FGFBP3: variants seen among roughly 807,000 people sequenced by gnomAD.
FGFBP3 encodes fibroblast growth factor binding protein 3.
Under a neutral mutation model 4.8 loss-of-function variants are expected in FGFBP3, and 4 were observed. That is an observed-to-expected ratio of 0.83 (90% CI 0.41 to 1.90). The LOEUF is 1.90. Ranked by LOEUF, FGFBP3 falls within the 40% of genes most tolerant of loss-of-function variation. FGFBP3 has a pLI of 0.03. For synonymous variants in FGFBP3, 215 were observed against 190.0 expected (o/e 1.13, Z -1.08); for missense variants, 429 against 397.4 (o/e 1.08, Z -0.68).
Position 91,907,874 on chromosome 10 carries a change from C to A in FGFBP3, c.*319G>T, listed in dbSNP as rs1340355293. 6.6e-6 allele frequency: 2 copies of A among 301,894 alleles called. No individual in the cohort carries two copies. Among genetic ancestry groups the A allele is most frequent in the Non-Finnish European group, 6.1e-6 (1 of 165,026 alleles). 18.7% of individuals were successfully genotyped at this position (301,894 alleles called of 1,614,324 possible). On this transcript the variant is annotated 3_prime_UTR_variant, in exon 2 of 2. Transcript: ENST00000311575. ...CACTCTATCTCCCCCTTATTCTCAG[C>A]CTCCCTCTGCATCGATTTCTCTCCC...
chr10:91,908,928 C>T lies in FGFBP3; in HGVS notation c.42G>A (p.Leu14=). 1.2e-6 allele frequency: 2 copies of T among 1,605,600 alleles called. No homozygotes were observed. Among genetic ancestry groups the T allele is most frequent in the Non-Finnish European group, 1.7e-6 (2 of 1,177,362 alleles). Residue 14 remains leucine (L), a synonymous_variant, in exon 2 of 2, where the codon CTG becomes CTA. Transcript: ENST00000311575. ...GGAGGCAACCACTCAGCAGCAGCAG[C>T]AGCGACGGCGACAGCGACGCTCGCA... ...PKLRASLSPS[L]LLLLSGCLLA... is the part of the protein sequence containing the mutation.
chr10:91,907,587 C>G lies in FGFBP3; in HGVS notation c.*606G>C, dbSNP rs1202225219. 6.6e-6 allele frequency: 1 copy of G among 151,776 alleles called. No homozygotes were observed. Among genetic ancestry groups the G allele is most frequent in the Non-Finnish European group, 1.5e-5 (1 of 68,006 alleles). The allele number at this position is 151,776 out of a possible 1,614,324, so 9.4% of individuals were successfully genotyped here. On this transcript the variant is annotated 3_prime_UTR_variant, in exon 2 of 2. Transcript: ENST00000311575. ...CTAAAAGAATGGAAAGGAAATCATT[C>G]TGCAAAACTTTCCTTGGAGCCAGTT...
In FGFBP3 at chr10:91,908,514, G is replaced by A; in HGVS notation, c.456C>T (p.Ser152=). ...CCGCGACGGTGGGGCGTGCGGGCGG[G>A]GACGCGCGGGGCACTAGCCGCAGCT... ...GAELRLVPRA[S]PPARPTVAGF... The change falls in exon 2 of 2, where the codon TCC becomes TCT. Residue 152 remains serine, a synonymous_variant. Coordinates refer to ENST00000311575, the MANE Select transcript of FGFBP3 (RefSeq NM_152429.5). The A allele has an allele frequency of 7.3e-7, 1 of 1,376,588 alleles. No homozygotes were observed. Among genetic ancestry groups the A allele is most frequent in the Non-Finnish European group, 9.3e-7 (1 of 1,072,586 alleles). The allele number at this position is 1,376,588 out of a possible 1,614,324, so 85.3% of individuals were successfully genotyped here.
chr10:91,908,747 C>G lies in FGFBP3; in HGVS notation c.223G>C (p.Glu75Gln), dbSNP rs935892251. 7.0e-5 allele frequency: 97 copies of G among 1,384,650 alleles called. No individual in the cohort carries two copies. The highest frequency in any genetic ancestry group is 8.4e-5 in the Non-Finnish European group (91 of 1,081,032). 85.8% of individuals were successfully genotyped at this position (1,384,650 alleles called of 1,614,324 possible). Residue 75 changes from glutamate (E) to glutamine (Q), a missense_variant, in exon 2 of 2, where the codon GAG (glutamate) becomes CAG (glutamine). Physicochemically the swap from Glu to Gln is conservative, Grantham distance 29 (BLOSUM62 2). Coordinates refer to ENST00000311575, the MANE Select transcript of FGFBP3 (RefSeq NM_152429.5). ...LPAPEAAAGS[E>Q]LALRCQSPDG... Reference sequence around the variant, plus strand: ...GGGCTCTGGCAGCGCAGCGCCAGCTCGCTGCCCGCTGCGGCCTCCGGGGCG... The same window carrying G: ...GGGCTCTGGCAGCGCAGCGCCAGCTGGCTGCCCGCTGCGGCCTCCGGGGCG...
At position 91,908,468 on chromosome 10, in the gene FGFBP3, G is replaced by A. The variant is rs1330447382; in HGVS notation, c.502C>T (p.Pro168Ser). ...TVAGFAGESK[P>S]RARNRGRTRE... ...GTCCGCCCCCGGTTCCGGGCCCGGG[G>A]CTTGGACTCCCCCGCGAATCCCGCG... Residue 168 changes from proline (P) to serine (S), a missense_variant, in exon 2 of 2, where the codon CCC becomes TCC. By Grantham distance (74) the Pro-to-Ser change is moderately conservative. Transcript: ENST00000311575. 4 of 1,429,822 alleles carry A rather than the reference G, an allele frequency of 2.8e-6. No individual in the cohort carries two copies. The highest frequency in any genetic ancestry group is 3.5e-5 in the Admixed American group (1 of 28,756). 88.6% of individuals were successfully genotyped at this position (1,429,822 alleles called of 1,614,324 possible). A position where few individuals can be genotyped will look rare whatever the true frequency, so the allele number is the denominator to read the frequency against.
chr10:91,908,765 C>T lies in FGFBP3; in HGVS notation c.205G>A (p.Glu69Lys), dbSNP rs1194284398. ...GCCAGCTCGCTGCCCGCTGCGGCCT[C>T]CGGGGCGGGCAGCAGGAGCTGCCAG... ...CSWQLLLPAP[E>K]AAAGSELALR... Residue 69 changes from glutamate to lysine, a missense_variant, in exon 2 of 2, where the codon GAG (glutamate) becomes AAG (lysine). Physicochemically the swap from Glu to Lys is moderately conservative, Grantham distance 56. Coordinates refer to ENST00000311575, the MANE Select transcript of FGFBP3 (RefSeq NM_152429.5). 2 of 1,397,254 alleles carry T rather than the reference C, an allele frequency of 1.4e-6. No individual in the cohort carries two copies. The highest frequency in any genetic ancestry group is 1.8e-6 in the Non-Finnish European group (2 of 1,087,474). The allele number at this position is 1,397,254 out of a possible 1,614,324, so 86.6% of individuals were successfully genotyped here.
chr10:91,908,431 G>A lies in FGFBP3; in HGVS notation c.539C>T (p.Ala180Val), dbSNP rs1843317221. 3.3e-6 allele frequency: 5 copies of A among 1,502,430 alleles called. 1 individual carries two copies. The highest frequency in any genetic ancestry group is 1.8e-4 in the Middle Eastern group (1 of 5,620). 93.1% of individuals were successfully genotyped at this position (1,502,430 alleles called of 1,614,324 possible). The stretch of plus-strand genomic sequence containing the variant: ...CGGGGTCCCAGCGGCTGGGCCGGAC[G>A]CACGCTCCCGGGTCCGCCCCCGGTT... The part of the protein sequence containing the change: ...ARNRGRTRER[A>V]SGPAAGTPPP... Residue 180 changes from alanine to valine, a missense_variant, in exon 2 of 2, where the codon GCG becomes GTG. By Grantham distance (64) the Ala-to-Val change is moderately conservative. Transcript: ENST00000311575.
Position 91,908,530 on chromosome 10 carries a change from A to G in FGFBP3, c.440T>C (p.Leu147Pro). The G allele has an allele frequency of 7.3e-7, 1 of 1,378,088 alleles. No individual in the cohort carries two copies. Among genetic ancestry groups the G allele is most frequent in the Non-Finnish European group, 9.3e-7 (1 of 1,073,330 alleles). 85.4% of individuals were successfully genotyped at this position (1,378,088 alleles called of 1,614,324 possible). A position where few individuals can be genotyped will look rare whatever the true frequency, so the allele number is the denominator to read the frequency against. Residue 147 changes from leucine to proline, a missense_variant, in exon 2 of 2, where the codon CTA becomes CCA. By Grantham distance (98) the Leu-to-Pro change is moderately conservative (BLOSUM62 -3). Transcript: ENST00000311575. ...TGCGGGCGGGGACGCGCGGGGCACT[A>G]GCCGCAGCTCGGCGCCGTGGCCCTT... ...GKKGHGAELRLVPRASPPARP... is the reference protein window; with the variant it reads ...GKKGHGAELRPVPRASPPARP...
intron 1 of FGFBP3, 143 bp from the exon 2 acceptor site, chr10:91,909,190 A>C: frequency 1.9e-6 from 1 of 533,070 alleles, no homozygotes; most frequent in East Asian, 3.5e-5. Context: ...TCCTGGGGAA[A>C]CTGCTTACTG....
At position 91,909,010 on chromosome 10, in the gene FGFBP3, T is replaced by G. The variant is rs1843326960; in HGVS notation, c.-41A>C. 1.3e-6 allele frequency: 2 copies of G among 1,532,162 alleles called. No individual in the cohort carries two copies. Among genetic ancestry groups the G allele is most frequent in the African/African-American group, 1.4e-5 (1 of 70,418 alleles). 94.9% of individuals were successfully genotyped at this position (1,532,162 alleles called of 1,614,324 possible). On this transcript the variant is annotated 5_prime_UTR_variant, in exon 2 of 2. Coordinates refer to ENST00000311575, the MANE Select transcript of FGFBP3 (RefSeq NM_152429.5). ...CGCTCCGCTGTTCTCAGACCACGTT[T>G]GTCGGGGCTGGACCAGGCAAAGAGC...
chr10:91,908,617 C>T lies in FGFBP3; in HGVS notation c.353G>A (p.Arg118His). Reference protein sequence around the residue: ...HFWKQVLGGLRKKRRPCHDPA... With the variant: ...HFWKQVLGGLHKKRRPCHDPA... ...GTCGTGACAGGGCCTCCGCTTCTTG[C>T]GCAGCCCTCCCAGCACCTGCTTCCA... The change falls in exon 2 of 2, where the codon CGC becomes CAC. Residue 118 changes from arginine to histidine, a missense_variant. Arg to His is a conservative substitution (Grantham distance 29, BLOSUM62 0). Transcript: ENST00000311575. 1.4e-6 allele frequency: 2 copies of T among 1,430,226 alleles called. No individual in the cohort carries two copies. Among genetic ancestry groups the T allele is most frequent in the Non-Finnish European group, 1.8e-6 (2 of 1,096,742 alleles). 88.6% of individuals were successfully genotyped at this position (1,430,226 alleles called of 1,614,324 possible).
rs201934889 is a variant in FGFBP3 at position 91,908,209 on chromosome 10, T to C, written c.761A>G (p.Asn254Ser). ...KWHSLCNFFV[N>S]FWNG ...CAGGCAGTCTCAGCCGTTCCAGAAA[T>C]TGACAAAGAAGTTGCAGAGGGAGTG... The change falls in exon 2 of 2, where the codon AAT becomes AGT. Residue 254 changes from asparagine to serine, a missense_variant. Asn to Ser is a conservative substitution (Grantham distance 46, BLOSUM62 1). Transcript: ENST00000311575. The C allele has an allele frequency of 2.8e-5, 44 of 1,598,962 alleles. No homozygotes were observed. The highest frequency in any genetic ancestry group is 2.8e-5 in the Non-Finnish European group (33 of 1,173,312).
chr10:91,908,040 C>T lies in FGFBP3; in HGVS notation c.*153G>A, dbSNP rs939277520. ...TTCTCCATACCCCTTACACTCTCAT[C>T]CCAAGCATCTCACCCTTACCCTTGC... is the stretch of plus-strand genomic sequence containing the variant. On this transcript the variant is annotated 3_prime_UTR_variant, in exon 2 of 2. Coordinates refer to ENST00000311575, the MANE Select transcript of FGFBP3 (RefSeq NM_152429.5). 3 of 834,536 alleles carry T rather than the reference C, an allele frequency of 3.6e-6. No homozygotes were observed. Among genetic ancestry groups the T allele is most frequent in the Non-Finnish European group, 5.3e-6 (3 of 570,044 alleles). The allele number at this position is 834,536 out of a possible 1,614,324, so 51.7% of individuals were successfully genotyped here.
At position 91,908,086 on chromosome 10, in the gene FGFBP3, C is replaced by T; in HGVS notation, c.*107G>A. 2 of 1,340,494 alleles carry T rather than the reference C, an allele frequency of 1.5e-6. No individual in the cohort carries two copies. Among genetic ancestry groups the T allele is most frequent in the Non-Finnish European group, 9.9e-7 (1 of 1,010,400 alleles). 83.0% of individuals were successfully genotyped at this position (1,340,494 alleles called of 1,614,324 possible). On this transcript the variant is annotated 3_prime_UTR_variant, in exon 2 of 2. Transcript: ENST00000311575. ...CTTGCCCCCACCCCCATTCGAGAAC[C>T]TGGACTTCTCCCCAATCTCTATCAC...
chr10:91,906,968 A>C lies in FGFBP3; in HGVS notation c.*1225T>G, dbSNP rs1405857904. 1 of 152,198 alleles carries C rather than the reference A, an allele frequency of 6.6e-6. No individual in the cohort carries two copies. Among genetic ancestry groups the C allele is most frequent in the Non-Finnish European group, 1.5e-5 (1 of 68,042 alleles). 9.4% of individuals were successfully genotyped at this position (152,198 alleles called of 1,614,324 possible). ...TACACACACAGTCTCTCATTACATC[A>C]CACTAAAAATGAAATATATTAATAA... On this transcript the variant is annotated 3_prime_UTR_variant, in exon 2 of 2. Transcript: ENST00000311575.
Position 91,908,564 on chromosome 10 carries a change from C to T in FGFBP3, c.406G>A (p.Ala136Thr). 7.2e-7 allele frequency: 1 copy of T among 1,394,844 alleles called. No homozygotes were observed. Among genetic ancestry groups the T allele is most frequent in the Non-Finnish European group, 9.2e-7 (1 of 1,081,802 alleles). The allele number at this position is 1,394,844 out of a possible 1,614,324, so 86.4% of individuals were successfully genotyped here. ...DPAPLQARLCAGKKGHGAELR... is the reference protein window; with the variant it reads ...DPAPLQARLCTGKKGHGAELR... ...TCGGCGCCGTGGCCCTTCTTGCCCG[C>T]GCACAAGCGGGCCTGGAGCGGCGCG... Residue 136 changes from alanine to threonine, a missense_variant, in exon 2 of 2, where the codon GCG becomes ACG. Physicochemically the swap from Ala to Thr is moderately conservative, Grantham distance 58 (BLOSUM62 0). Transcript: ENST00000311575.
At position 91,908,400 on chromosome 10, in the gene FGFBP3, G is replaced by T. The variant is rs770288218; in HGVS notation, c.570C>A (p.Pro190=). 1.3e-6 allele frequency: 2 copies of T among 1,538,832 alleles called. No homozygotes were observed. The highest frequency in any genetic ancestry group is 2.5e-5 in the South Asian group (2 of 81,274). ...GGTTTTCTTTGGGCGGTGCGCTTTGGGGAGGCGGGGTCCCAGCGGCTGGGC... is the reference window on the plus strand; with the variant it reads ...GGTTTTCTTTGGGCGGTGCGCTTTGTGGAGGCGGGGTCCCAGCGGCTGGGC... ...ASGPAAGTPP[P]QSAPPKENPS... Residue 190 remains proline (P), a synonymous_variant, in exon 2 of 2, where the codon CCC becomes CCA. Transcript: ENST00000311575.
Position 91,908,267 on chromosome 10 carries a change from C to A in FGFBP3, c.703G>T (p.Glu235Ter). ...PDPDGLDGNAELTETYCAEKW... is the reference protein window; with the variant it reads ...PDPDGLDGNA ...TCAGCGCAGTAGGTCTCCGTGAGCT[C>A]CGCGTTCCCGTCCAGCCCGTCGGGG... Residue 235 changes from glutamate (E) to a stop codon, truncating the protein, a stop_gained, in exon 2 of 2, where the codon GAG (glutamate) becomes TAG (stop). Transcript: ENST00000311575. LOFTEE classifies it high-confidence loss of function. 2 of 1,605,518 alleles carry A rather than the reference C, an allele frequency of 1.2e-6. No individual in the cohort carries two copies. The highest frequency in any genetic ancestry group is 4.6e-5 in the East Asian group (2 of 43,878).
intron 1 of FGFBP3, 100 bp from the exon 2 acceptor site, chr10:91,909,147 C>A: frequency 1.5e-6 from 1 of 651,978 alleles, no homozygotes; most frequent in Non-Finnish European, 2.4e-6. Flanking sequence ...TTTCTAGAAT[C>A]TGCAGCCTGC....
Sources: gnomAD v4.1 joint callset for allele counts on GRCh38, gnomAD v4.1.1 for gene constraint, MANE v1.5 for transcripts, NCBI Gene and HGNC (gene_info 2026-07-23, HGNC 2026-07-21) for gene names.